The following C1QTNF5 variants were observed in gnomAD, a reference collection of about 807,000 sequenced individuals.
C1QTNF5 encodes complement C1q tumor necrosis factor-related protein 5.
In C1QTNF5, 5 loss-of-function variants were observed where a neutral mutation model predicts 10.9. The ratio of observed to expected loss-of-function variants is 0.46; its 90% confidence interval spans 0.24 to 0.97. The LOEUF is 0.97. Ranked by LOEUF, C1QTNF5 falls within the 50% of genes least tolerant of loss-of-function variation. The pLI is 0.19. For synonymous variants in C1QTNF5, 161 were observed against 156.5 expected, an observed-to-expected ratio of 1.03 and a Z score of -0.22; for missense variants, 281 against 339.4, an observed-to-expected ratio of 0.83 and a Z score of 1.35.
upstream of C1QTNF5, chr11:119,341,458 C>T: frequency 8.8e-7 from 1 of 1,138,498 alleles, no homozygotes; most frequent in Non-Finnish European, 1.3e-6. Context: ...GGTAGAGACC[C>T]TGCTGATGCT....
chr11:119,344,384 C>T (rs1375569297), upstream of C1QTNF5: 4 of 1,613,594 alleles, frequency 2.5e-6, no homozygotes, highest in South Asian at 2.2e-5. Flanking sequence ...TCAGATTCCC[C>T]CCACACCCTG....
upstream of C1QTNF5, chr11:119,341,692 G>A (rs1442032777): frequency 1.2e-6 from 2 of 1,613,124 alleles, no homozygotes; most frequent in Non-Finnish European, 8.5e-7. Context: ...GCAGAACACT[G>A]CCTAGTGGGG....
upstream of C1QTNF5, chr11:119,343,144 G>C: frequency 9.6e-7 from 1 of 1,039,238 alleles, no homozygotes; most frequent in Non-Finnish European, 1.4e-6. Context: ...GGTCTGGCGA[G>C]AAAGACACAT....
chr11:119,340,146 G>T, intron 2 of C1QTNF5, 38 bp downstream of exon 2: 1 of 1,502,672 alleles, frequency 6.7e-7, no homozygotes, highest in African/African-American at 1.5e-5. Context: ...GCGCCTGCTC[G>T]GACATCGCCA....
At position 119,339,468 on chromosome 11, in the gene C1QTNF5, G is replaced by T; in HGVS notation, c.595C>A (p.Leu199Met). The stretch of plus-strand genomic sequence containing the variant: ...ACCCACACTTGGTCCTCAGGCTCCA[G>T]CCTCACCATGGCCCCCCCCGAGAGC... ...ASLSGGAMVRLEPEDQVWVQV... is the reference protein window; with the variant it reads ...ASLSGGAMVRMEPEDQVWVQV... The change falls in exon 3 of 3, where the codon CTG becomes ATG. Residue 199 changes from leucine (L) to methionine (M), a missense_variant. By Grantham distance (15) the Leu-to-Met change is conservative. Coordinates refer to ENST00000528368, the MANE Select transcript of C1QTNF5 (RefSeq NM_001278431.2). The surrounding 1 kb of genome is among the most constrained non-coding windows in gnomAD (Gnocchi z 5.4). The T allele has an allele frequency of 6.2e-7, 1 of 1,613,738 alleles. No homozygotes were observed. The highest frequency in any genetic ancestry group is 1.1e-5 in the South Asian group (1 of 91,048).
upstream of C1QTNF5, chr11:119,344,628 G>A (rs538868301): frequency 6.9e-5 from 111 of 1,614,024 alleles, no homozygotes; most frequent in South Asian, 3.6e-4. Flanking sequence ...TGCCTGGCCC[G>A]TACCCGAGAA....
At chr11:119,345,723 A>C (rs557246739), upstream of C1QTNF5, 237 of 1,609,324 alleles carry the variant, frequency 1.5e-4, no homozygotes, top group Admixed American at 1.1e-3. Flanking sequence ...CCTCAACCCC[A>C]CCCCGTCATC....
At chr11:119,346,615 A>C in the C1QTNF5 span, 14 of 1,229,568 alleles carry the variant, frequency 1.1e-5, no homozygotes, top group Non-Finnish European at 1.7e-5. Context: ...GGCAGCCTCT[A>C]CTACCCGAGG....
upstream of C1QTNF5, chr11:119,345,607 T>G (rs1165686231): frequency 6.2e-7 from 1 of 1,613,652 alleles, no homozygotes; most frequent in Non-Finnish European, 8.5e-7. Context: ...AAGAAGCCCC[T>G]TGGGCCAGAG....
At chr11:119,343,301 A>G (rs938471762), upstream of C1QTNF5, among the ~76,000 whole-genome samples, 1 of 152,208 alleles carries the variant, frequency 6.6e-6, no homozygotes, top group Non-Finnish European at 1.5e-5. Context: ...ACTTGAGCCC[A>G]GGAGTTTGAA....
At chr11:119,344,981 G>A, upstream of C1QTNF5, 6 of 1,607,184 alleles carry the variant, frequency 3.7e-6, no homozygotes, top group Middle Eastern at 1.7e-4. Context: ...GTTGAGCGTG[G>A]GGGGAGGCAC....
upstream of C1QTNF5, chr11:119,344,057 GGGGAT>G: frequency 6.5e-7 from 1 of 1,533,026 alleles, no homozygotes; most frequent in Non-Finnish European, 8.9e-7. Flanking sequence ...TGCTGGCTGG[GGGGAT>G]GGGGTGGTGC....
rs1950480448 is a variant in C1QTNF5 at position 119,339,789 on chromosome 11, T to G, written c.274A>C (p.Thr92Pro). 6.6e-7 allele frequency: 1 copy of G among 1,511,098 alleles called. No homozygotes were observed. The highest frequency in any genetic ancestry group is 2.2e-4 in the Middle Eastern group (1 of 4,578). The allele number at this position is 1,511,098 out of a possible 1,614,324, so 93.6% of individuals were successfully genotyped here. The change falls in exon 3 of 3, where the codon ACC becomes CCC. Residue 92 changes from threonine (T) to proline (P), a missense_variant. Transcript: ENST00000528368. The surrounding 1 kb of genome is among the most constrained non-coding windows in gnomAD (Gnocchi z 5.4). ...PRGEAGPAGPTGPAGECSVPP... is the reference protein window; with the variant it reads ...PRGEAGPAGPPGPAGECSVPP... ...ACCGAGCACTCCCCGGCAGGCCCGG[T>G]GGGCCCCGCGGGTCCCGCCTCTCCT...
chr11:119,344,620 C>T (rs771910334), upstream of C1QTNF5: 5 of 1,614,004 alleles, frequency 3.1e-6, no homozygotes, highest in Non-Finnish European at 4.2e-6. Flanking sequence ...GACCCCCATG[C>T]CTGGCCCGTA....
upstream of C1QTNF5, chr11:119,344,219 A>G: frequency 1.6e-6 from 2 of 1,212,508 alleles, no homozygotes; most frequent in East Asian, 2.3e-5. Flanking sequence ...TCCCAAGTAG[A>G]AGGTAGTGTC....
rs773466129 is a variant in C1QTNF5, at chr11:119,339,328, G to A, written c.*3C>T. ...AGAGCATGAGCTCACTTTGCAGTGG[G>A]CACTAAGCAAAGACTGGGGAGCTGT... On this transcript the variant is annotated 3_prime_UTR_variant, in exon 3 of 3. Coordinates refer to ENST00000528368, the MANE Select transcript of C1QTNF5 (RefSeq NM_001278431.2). This position sits in a 1 kb window ranked among gnomAD's most constrained non-coding sequence, Gnocchi z 5.4. 1 of 1,611,950 alleles carries A rather than the reference G, an allele frequency of 6.2e-7. No individual in the cohort carries two copies. The highest frequency in any genetic ancestry group is 8.5e-7 in the Non-Finnish European group (1 of 1,178,700).
upstream of C1QTNF5, chr11:119,344,419 T>C (rs2135371615): frequency 6.2e-7 from 1 of 1,606,090 alleles, no homozygotes; most frequent in East Asian, 2.2e-5. Flanking sequence ...GGCTCATGAG[T>C]TTGCTAGGAT....
At chr11:119,340,622 C>T in intron 1 of C1QTNF5, 73 bp downstream of exon 1, 1 of 555,564 alleles carries the variant, frequency 1.8e-6, no homozygotes, top group South Asian at 2.2e-5. Context: ...AGCCCTCCCT[C>T]CCACCGCCGG....
upstream of C1QTNF5, chr11:119,342,961 G>C (rs766936271): frequency 1.9e-6 from 3 of 1,611,378 alleles, no homozygotes; most frequent in Non-Finnish European, 2.5e-6. Flanking sequence ...CCAGCTCATG[G>C]TGCGAGGAGA....
Sources: gnomAD v4.1 joint callset for allele counts (sites outside exome capture counted in the v4.1 genomes callset) on GRCh38, gnomAD v4.1.1 for gene constraint, Gnocchi (gnomAD v3.1) non-coding constraint, MANE v1.5 for transcripts, NCBI Gene and HGNC (gene_info 2026-07-23, HGNC 2026-07-21) for gene names.